CAST: variants seen among roughly 807,000 people sequenced by gnomAD.
CAST encodes the protein MIR583 host.
Under a neutral mutation model 119.6 loss-of-function variants are expected in CAST, and 76 were observed. That is an observed-to-expected ratio of 0.64 (90% CI 0.53 to 0.77). CAST has a LOEUF of 0.77. CAST is among the 30% of genes least tolerant of loss of function. The pLI is 0.00. For synonymous variants in CAST, 319 were observed against 331.6 expected (o/e 0.96, Z 0.41); for missense variants, 953 against 946.5 (o/e 1.01, Z -0.09).
At chr5:96,412,561 C>T in the CAST span, 1 of 1,341,402 alleles carries the variant, frequency 7.5e-7, no homozygotes, top group African/African-American at 1.5e-5. Flanking sequence ...GCCCAATACT[C>T]TTACTATTTG....
chr5:96,132,925 A>G, the CAST span, among the ~76,000 whole-genome samples: 8 of 152,316 alleles, frequency 5.3e-5, no homozygotes, highest in African/African-American at 1.7e-4. Flanking sequence ...GCTAAAAGGA[A>G]CAGATACAAA....
chr5:96,759,275 A>C (rs935352787), intron 24 of CAST, among the ~76,000 whole-genome samples: 2 of 152,168 alleles, frequency 1.3e-5, no homozygotes. Context: ...GTTCATCTGT[A>C]AAAGAGTAGC....
chr5:96,235,404 G>A, the CAST span, among the ~76,000 whole-genome samples: 3 of 152,178 alleles, frequency 2.0e-5, no homozygotes, highest in Non-Finnish European at 4.4e-5. Context: ...AAGGACAGAC[G>A]TAGTCCATCC....
the CAST span, among the ~76,000 whole-genome samples, chr5:96,329,081 T>G: frequency 2.6e-5 from 4 of 152,322 alleles, no homozygotes; most frequent in Admixed American, 1.3e-4. Flanking sequence ...ATTACAAGCT[T>G]ATTATTATTA....
chr5:96,746,229 C>CT, intron 16 of CAST, 113 bp from the exon 17 acceptor site: 1 of 698,552 alleles, frequency 1.4e-6, no homozygotes, highest in South Asian at 1.7e-5. Flanking sequence ...CTTCCAGATG[C>CT]TTTTACCAGA....
chr5:96,018,437 G>A, the CAST span, among the ~76,000 whole-genome samples: 9,219 of 152,094 alleles, frequency 0.061, 536 homozygotes, highest in African/African-American at 0.15. Flanking sequence ...TTTCATTAAT[G>A]CTGAAGTCAA....
the CAST span, among the ~76,000 whole-genome samples, chr5:96,214,417 A>T: frequency 6.6e-6 from 1 of 152,210 alleles, no homozygotes; most frequent in Non-Finnish European, 1.5e-5. Flanking sequence ...GAAATACTTC[A>T]TGTCAGTATT....
chr5:96,482,482 T>C, the CAST span, among the ~76,000 whole-genome samples: 3 of 151,842 alleles, frequency 2.0e-5, no homozygotes, highest in African/African-American at 4.8e-5. Context: ...CTGATGTCTA[T>C]TATGCTTTGT....
At chr5:96,319,339 C>T in the CAST span, among the ~76,000 whole-genome samples, 23 of 152,194 alleles carry the variant, frequency 1.5e-4, no homozygotes, top group Non-Finnish European at 2.4e-4. Flanking sequence ...AGGGGATGCA[C>T]ATCCAAACCA....
At chr5:96,127,898 C>T in the CAST span, among the ~76,000 whole-genome samples, 5,967 of 152,060 alleles carry the variant, frequency 0.039, 396 homozygotes, top group African/African-American at 0.14. Context: ...GTGCCTCATG[C>T]GACTGAACTA....
chr5:96,418,101 A>G, the CAST span, among the ~76,000 whole-genome samples: 3,749 of 152,304 alleles, frequency 0.025, 151 homozygotes, highest in African/African-American at 0.086. Flanking sequence ...CTCCTTGTAT[A>G]TGGACGACTA....
chr5:96,678,641 G>A (rs1750982137), intron 2 of CAST, among the ~76,000 whole-genome samples: 1 of 151,436 alleles, frequency 6.6e-6, no homozygotes, highest in Admixed American at 6.6e-5. Context: ...TCAGGAGATC[G>A]ACACCATCCT....
chr5:96,182,416 G>T, the CAST span, among the ~76,000 whole-genome samples: 15 of 152,212 alleles, frequency 9.9e-5, no homozygotes, highest in Non-Finnish European at 2.1e-4. Flanking sequence ...AGGAAAAGAA[G>T]TATTCTTCTC....
chr5:96,143,379 T>C, the CAST span, among the ~76,000 whole-genome samples: 2 of 152,206 alleles, frequency 1.3e-5, no homozygotes, highest in Non-Finnish European at 2.9e-5. Context: ...ATAGCTTAAA[T>C]CTCCTCTGTG....
intron 22 of CAST, among the ~76,000 whole-genome samples, chr5:96,756,504 C>T (rs915915324): frequency 6.6e-6 from 1 of 152,202 alleles, no homozygotes; most frequent in African/African-American, 2.4e-5. Flanking sequence ...ATATTTGCCT[C>T]GTATCTGTTG....
the CAST span, among the ~76,000 whole-genome samples, chr5:96,243,852 C>CA: frequency 6.6e-6 from 1 of 152,144 alleles, no homozygotes. Context: ...TGAGGTACCC[C>CA]TTCCCAAATG....
chr5:96,154,473 G>A, the CAST span, among the ~76,000 whole-genome samples: 2 of 152,010 alleles, frequency 1.3e-5, no homozygotes, highest in African/African-American at 2.4e-5. Flanking sequence ...TTCCCTATTG[G>A]TAACATCTGA....
chr5:96,663,562 T>G (rs1001260541), intron 1 of CAST, among the ~76,000 whole-genome samples: 1 of 152,188 alleles, frequency 6.6e-6, no homozygotes, highest in African/African-American at 2.4e-5. Flanking sequence ...AACCCCTAAG[T>G]AAAGTTCAAA....
At chr5:96,274,394 T>G in the CAST span, among the ~76,000 whole-genome samples, 1,131 of 151,680 alleles carry the variant, frequency 7.5e-3, 14 homozygotes, top group African/African-American at 0.026. Context: ...GAGCCACAGC[T>G]CCCAGCCTAG....
Sources: gnomAD v4.1 joint callset for allele counts (sites outside exome capture counted in the v4.1 genomes callset) on GRCh38, gnomAD v4.1.1 for gene constraint, MANE v1.5 for transcripts, NCBI Gene and HGNC (gene_info 2026-07-23, HGNC 2026-07-21) for gene names.